CDH2: variants seen among roughly 807,000 people sequenced by gnomAD.
CDH2 encodes cadherin 2.
Under a neutral mutation model 92.0 loss-of-function variants are expected in CDH2, and 17 were observed. The observed-to-expected ratio is 0.18, with a 90% CI of 0.13 to 0.28. The LOEUF is 0.28. CDH2 is among the 10% of genes least tolerant of loss of function. The pLI is 1.00. For synonymous variants in CDH2, 419 were observed against 415.9 expected, an observed-to-expected ratio of 1.01 and a Z score of -0.09; for missense variants, 862 against 1,133.1, an observed-to-expected ratio of 0.76 and a Z score of 3.44.
chr18:28,087,910 C>T (rs1056342254), intron 2 of CDH2, among the ~76,000 whole-genome samples: 1 of 152,284 alleles, frequency 6.6e-6, no homozygotes, highest in Non-Finnish European at 1.5e-5. Context: ...GCAAACCACA[C>T]TACAGATACT....
Position 28,102,573 on chromosome 18 carries a change from T to C in CDH2, c.172+45100A>G, listed in dbSNP as rs180829400. ...TAGTTGGTGCCTTGGGAAAGAGCAATTGCAGAGCAGATTATTTATTTTATA... is the reference window on the plus strand; with the variant it reads ...TAGTTGGTGCCTTGGGAAAGAGCAACTGCAGAGCAGATTATTTATTTTATA... On this transcript the variant is annotated intron_variant, in intron 2 of 15. Transcript: ENST00000269141. Among the ~76,000 whole-genome samples the C allele has an allele frequency of 1.1e-3, 160 of 152,230 alleles. No individual in the cohort carries two copies. The Middle Eastern group carries it at 0.021, about 20-fold the overall frequency.
chr18:28,007,101 G>A (rs1208194664), intron 5 of CDH2, among the ~76,000 whole-genome samples: 5 of 146,268 alleles, frequency 3.4e-5, no homozygotes, highest in African/African-American at 7.6e-5. Context: ...CGGCAGCTGC[G>A]GTGAGCTGAG....
At chr18:28,133,589 A>AAG in intron 2 of CDH2, among the ~76,000 whole-genome samples, 1 of 150,976 alleles carries the variant, frequency 6.6e-6, no homozygotes, top group Non-Finnish European at 1.5e-5. Flanking sequence ...CTCAAAAAAA[A>AAG]AAAAAAAAAA....
intron 1 of CDH2, among the ~76,000 whole-genome samples, chr18:28,155,449 A>T (rs17536710): frequency 6.4e-4 from 98 of 152,264 alleles, no homozygotes; most frequent in African/African-American, 2.3e-3. Context: ...GAAATATTTT[A>T]AAATTATTTT....
At chr18:28,161,098 G>A (rs921407730) in intron 1 of CDH2, among the ~76,000 whole-genome samples, 1 of 152,176 alleles carries the variant, frequency 6.6e-6, no homozygotes, top group Non-Finnish European at 1.5e-5. Flanking sequence ...AGGTTAAAAT[G>A]AAGAATGTTT....
intron 2 of CDH2, chr18:28,036,437 A>G (rs753086674): frequency 3.2e-6 from 3 of 949,304 alleles, no homozygotes; most frequent in Non-Finnish European, 5.2e-6. Context: ...CTAAATCACC[A>G]TGTTATGGAA....
chr18:28,005,608 A>G (rs1214976110), intron 6 of CDH2, among the ~76,000 whole-genome samples: 1 of 152,194 alleles, frequency 6.6e-6, no homozygotes, highest in Non-Finnish European at 1.5e-5. Flanking sequence ...CAAATACTGT[A>G]GTGCATATTT....
intron 2 of CDH2, among the ~76,000 whole-genome samples, chr18:28,116,663 C>T (rs1202918683): frequency 1.3e-5 from 2 of 152,230 alleles, no homozygotes; most frequent in South Asian, 4.1e-4. Context: ...GGTTTTTATA[C>T]AAAACCAGCT....
At chr18:28,024,727 GT>G (rs943494909) in intron 2 of CDH2, among the ~76,000 whole-genome samples, 2 of 151,544 alleles carry the variant, frequency 1.3e-5, no homozygotes, top group African/African-American at 4.8e-5. Context: ...ATTGAAAGGA[GT>G]TTTTTTCTAA....
At chr18:27,954,176 T>C (rs981682566) in intron 15 of CDH2, among the ~76,000 whole-genome samples, 2 of 152,258 alleles carry the variant, frequency 1.3e-5, no homozygotes, top group African/African-American at 4.8e-5. Flanking sequence ...TAAATAACTT[T>C]AGATAGGATT....
intron 2 of CDH2, among the ~76,000 whole-genome samples, chr18:28,089,678 C>A (rs1379214950): frequency 4.6e-5 from 7 of 152,138 alleles, no homozygotes; most frequent in Admixed American, 4.6e-4. Flanking sequence ...TTATGCATTT[C>A]CTAATTGGTC....
intron 1 of CDH2, 30 bp downstream of exon 1, chr18:28,176,933 G>T (rs1250685546): frequency 1.1e-6 from 1 of 927,840 alleles, no homozygotes; most frequent in East Asian, 3.5e-5. Context: ...CACCCCGCCC[G>T]TGGCCCGGCC....
intron 8 of CDH2, 129 bp downstream of exon 8, chr18:27,993,371 G>A (rs1431712142): frequency 2.2e-5 from 19 of 858,180 alleles, no homozygotes; most frequent in East Asian, 5.2e-5. Flanking sequence ...AGAAATGTCC[G>A]AGTTAGCAGC....
In CDH2 at chr18:28,034,139, C is replaced by T. The variant is rs551773777; in HGVS notation, c.173-20230G>A. ...GTAAACCGAGTTATGGTCGTGGTTG[C>T]GCTGATAATAATCTCTCAACAGCTT... On this transcript the variant is annotated intron_variant, in intron 2 of 15. Coordinates refer to ENST00000269141, the MANE Select transcript of CDH2 (RefSeq NM_001792.5). Among the ~76,000 whole-genome samples the T allele has an allele frequency of 5.3e-5, 8 of 152,106 alleles. No individual in the cohort carries two copies. In the South Asian group the frequency reaches 6.2e-4, roughly 12 times the overall value.
chr18:27,987,207 A>C (rs2012263393), intron 11 of CDH2, among the ~76,000 whole-genome samples: 1 of 152,240 alleles, frequency 6.6e-6, no homozygotes, highest in Non-Finnish European at 1.5e-5. Context: ...ATGATTCAAG[A>C]TGCATTACTT....
At chr18:28,176,683 T>G (rs1235760844) in intron 1 of CDH2, among the ~76,000 whole-genome samples, 1 of 151,986 alleles carries the variant, frequency 6.6e-6, no homozygotes. Flanking sequence ...CCCGCGAGCT[T>G]GCTCGGCCCC....
intron 2 of CDH2, among the ~76,000 whole-genome samples, chr18:28,033,616 TGA>T (rs1020098926): frequency 3.3e-5 from 5 of 152,102 alleles, no homozygotes; most frequent in Non-Finnish European, 5.9e-5. Context: ...CCCATTGGTT[TGA>T]CATATTAATA....
intron 2 of CDH2, among the ~76,000 whole-genome samples, chr18:28,144,669 A>G (rs2016007733): frequency 6.6e-6 from 1 of 152,116 alleles, no homozygotes; most frequent in South Asian, 2.1e-4. Flanking sequence ...ATAGAGGCAC[A>G]GTTAAGCAGA....
intron 2 of CDH2, among the ~76,000 whole-genome samples, chr18:28,018,279 G>C (rs2013309406): frequency 6.6e-6 from 1 of 151,930 alleles, no homozygotes; most frequent in South Asian, 2.1e-4. Flanking sequence ...TGGATGGGTG[G>C]AATCGATATC....
Sources: gnomAD v4.1 joint callset for allele counts (sites outside exome capture counted in the v4.1 genomes callset) on GRCh38, gnomAD v4.1.1 for gene constraint, MANE v1.5 for transcripts, NCBI Gene and HGNC (gene_info 2026-07-23, HGNC 2026-07-21) for gene names.